The following IGF2BP1 variants were observed in gnomAD, a reference collection of about 807,000 sequenced individuals.
IGF2BP1 encodes the protein insulin like growth factor 2 mRNA binding protein 1, also known as insulin-like growth factor 2 mRNA-binding protein 1.
In IGF2BP1, 11 loss-of-function variants were observed where a neutral mutation model predicts 74.9. That is an observed-to-expected ratio of 0.15 (90% confidence interval 0.09 to 0.24). IGF2BP1 has a LOEUF of 0.24. Ranked by LOEUF, IGF2BP1 falls within the 10% of genes least tolerant of loss-of-function variation. The pLI, the probability that IGF2BP1 is intolerant of heterozygous loss-of-function variation, is 1.00. For synonymous variants in IGF2BP1, 287 were observed against 281.8 expected (o/e 1.02, Z -0.18); for missense variants, 440 against 757.4 (o/e 0.58, Z 4.92).
intron 2 of IGF2BP1, among the ~76,000 whole-genome samples, chr17:49,014,487 C>G (rs886312995): frequency 5.9e-5 from 9 of 151,320 alleles, no homozygotes; most frequent in Non-Finnish European, 1.3e-4. Context: ...AGACAGGATC[C>G]TTGGTGGTAG....
At chr17:49,009,228 C>A (rs1339388899) in intron 2 of IGF2BP1, among the ~76,000 whole-genome samples, 3 of 151,936 alleles carry the variant, frequency 2.0e-5, no homozygotes, top group Admixed American at 1.3e-4. Context: ...GGGGGTTTCA[C>A]CATGTTGGCC....
rs1598148656 is a variant in IGF2BP1, at chr17:49,032,084, A to G, written c.401+111A>G. ...GGGGGTCTAGGCAGGCTGGGTCCCC[A>G]TCCAGGGTTCTGATATTAGCCCAAG... On this transcript the variant is annotated intron_variant, in intron 5 of 14. Transcript: ENST00000290341. 1.3e-5 allele frequency: 12 copies of G among 927,322 alleles called. 3 individuals are homozygous for G. The Admixed American group carries it at 2.3e-4, about 18-fold the overall frequency. 57.4% of individuals were successfully genotyped at this position (927,322 alleles called of 1,614,324 possible).
intron 2 of IGF2BP1, among the ~76,000 whole-genome samples, chr17:49,021,296 G>T (rs1244807426): frequency 2.0e-5 from 3 of 152,146 alleles, no homozygotes; most frequent in Admixed American, 2.0e-4. Context: ...CCTCCCAGGG[G>T]CCCTGCTCCC....
chr17:49,039,407 C>A (rs190036102), intron 6 of IGF2BP1, among the ~76,000 whole-genome samples: 43 of 152,114 alleles, frequency 2.8e-4, no homozygotes, highest in Admixed American at 2.4e-3. Flanking sequence ...TTGTCCCCAA[C>A]CACTGCTTGC....
At chr17:49,034,801 A>C (rs1232271531) in intron 5 of IGF2BP1, among the ~76,000 whole-genome samples, 1 of 152,160 alleles carries the variant, frequency 6.6e-6, no homozygotes, top group Non-Finnish European at 1.5e-5. Context: ...AAAACTTTTC[A>C]AGATGGAATC....
At chr17:49,046,473 C>G in intron 14 of IGF2BP1, 100 bp downstream of exon 14, 1 of 856,570 alleles carries the variant, frequency 1.2e-6, no homozygotes, top group Non-Finnish European at 1.9e-6. Context: ...TTGACAAGTC[C>G]TGGGGCCTCA....
intron 10 of IGF2BP1, 79 bp downstream of exon 10, chr17:49,043,629 A>G: frequency 6.5e-7 from 1 of 1,532,706 alleles, no homozygotes; most frequent in East Asian, 2.3e-5. Flanking sequence ...ATGCTCTGGG[A>G]GTTGGATGCT....
At chr17:49,043,635 A>T in intron 10 of IGF2BP1, 85 bp downstream of exon 10, 1 of 1,513,324 alleles carries the variant, frequency 6.6e-7, no homozygotes, top group Non-Finnish European at 9.0e-7. Context: ...TGGGAGTTGG[A>T]TGCTTGGCAA....
chr17:49,007,347 C>T (rs1400650999), intron 2 of IGF2BP1, among the ~76,000 whole-genome samples: 1 of 152,146 alleles, frequency 6.6e-6, no homozygotes, highest in Non-Finnish European at 1.5e-5. Context: ...AACCAGTTCC[C>T]AGAGATGCAC....
chr17:49,021,862 C>T (rs542403858), intron 2 of IGF2BP1, among the ~76,000 whole-genome samples: 1 of 152,148 alleles, frequency 6.6e-6, no homozygotes, highest in African/African-American at 2.4e-5. Context: ...AGTGCTGGAG[C>T]GGGTCCCTGG....
chr17:49,011,292 G>A (rs1199755252), intron 2 of IGF2BP1, among the ~76,000 whole-genome samples: 1 of 152,042 alleles, frequency 6.6e-6, no homozygotes, highest in Non-Finnish European at 1.5e-5. Flanking sequence ...AGTTGGTAGG[G>A]CAGCCACTCC....
rs534653688 is a variant in IGF2BP1, at chr17:49,009,459, C to T, written c.236+10290C>T. Among the ~76,000 whole-genome samples, 53 of 152,124 alleles carry T rather than the reference C, an allele frequency of 3.5e-4. No homozygotes were observed. The South Asian group carries it at 0.011, about 30-fold the overall frequency. On this transcript the variant is annotated intron_variant, in intron 2 of 14. Coordinates refer to ENST00000290341, the MANE Select transcript of IGF2BP1 (RefSeq NM_006546.4). ...GCGCAGTGGCTCATGCCTGTAATCC[C>T]AGCACTTTGGGAGGCCAAGGCGGGC... is the stretch of plus-strand genomic sequence containing the variant.
chr17:49,037,125 C>T (rs560003688), intron 5 of IGF2BP1: 1 of 394,888 alleles, frequency 2.5e-6, no homozygotes, highest in African/African-American at 2.2e-5. Flanking sequence ...GAAGACGCTG[C>T]AAGTTTTGAA....
At chr17:48,996,769 C>T (rs2048714535), upstream of IGF2BP1, among the ~76,000 whole-genome samples, 1 of 152,218 alleles carries the variant, frequency 6.6e-6, no homozygotes, top group African/African-American at 2.4e-5. Flanking sequence ...CACTGGGATA[C>T]CCCGTTCCCA....
upstream of IGF2BP1, among the ~76,000 whole-genome samples, chr17:48,997,203 A>T (rs1413556096): frequency 6.6e-6 from 1 of 151,902 alleles, no homozygotes; most frequent in Non-Finnish European, 1.5e-5. This position sits in a 1 kb window ranked among gnomAD's most constrained non-coding sequence, Gnocchi z 4.8. Context: ...GTAGAGCTTC[A>T]GGGACGCTGC....
rs2042146014 is a variant in IGF2BP1, at chr17:49,049,599, G to A, written c.*155G>A. 3.2e-6 allele frequency: 2 copies of A among 621,556 alleles called. No homozygotes were observed. Among genetic ancestry groups the A allele is most frequent in the Non-Finnish European group, 5.7e-6 (2 of 351,440 alleles). 38.5% of individuals were successfully genotyped at this position (621,556 alleles called of 1,614,324 possible). ...ACTTGATTGAGAAAGATGTTCCAGT[G>A]AGGAACCCTGATCTCTCAGCCCCAA... On this transcript the variant is annotated 3_prime_UTR_variant, in exon 15 of 15. Coordinates refer to ENST00000290341, the MANE Select transcript of IGF2BP1 (RefSeq NM_006546.4).
chr17:49,034,654 G>A (rs1208004788), intron 5 of IGF2BP1, among the ~76,000 whole-genome samples: 1 of 151,382 alleles, frequency 6.6e-6, no homozygotes, highest in Non-Finnish European at 1.5e-5. Flanking sequence ...GAGCCCAGGA[G>A]GTGGAGGTGG....
At chr17:49,019,230 A>G (rs1373314089) in intron 2 of IGF2BP1, among the ~76,000 whole-genome samples, 2 of 152,176 alleles carry the variant, frequency 1.3e-5, no homozygotes, top group Non-Finnish European at 2.9e-5. Context: ...CACACTGTGC[A>G]CAGTGCTTTC....
chr17:48,999,932 G>A (rs919391115), intron 2 of IGF2BP1, among the ~76,000 whole-genome samples: 1 of 148,578 alleles, frequency 6.7e-6, no homozygotes, highest in African/African-American at 2.5e-5. Context: ...TGGTGTGTGT[G>A]TGTGTGTGTG....
Sources: gnomAD v4.1 joint callset for allele counts (sites outside exome capture counted in the v4.1 genomes callset) on GRCh38, gnomAD v4.1.1 for gene constraint, Gnocchi (gnomAD v3.1) non-coding constraint, MANE v1.5 for transcripts, NCBI Gene and HGNC (gene_info 2026-07-23, HGNC 2026-07-21) for gene names.